TMEM185A: variants seen among roughly 807,000 people sequenced by gnomAD.
TMEM185A encodes family with sequence similarity 11, member A.
A neutral mutation model predicts 25.0 loss-of-function variants in TMEM185A; 9 were observed. That is an observed-to-expected ratio of 0.36 (90% CI 0.22 to 0.63). The LOEUF (loss-of-function observed/expected upper bound fraction) is 0.63. TMEM185A is among the 20% of genes least tolerant of loss of function. TMEM185A has a pLI of 0.68. For synonymous variants in TMEM185A, 45 were observed against 93.5 expected, an observed-to-expected ratio of 0.48 and a Z score of 2.99; for missense variants, 103 against 237.4, an observed-to-expected ratio of 0.43 and a Z score of 3.72.
intron 4 of TMEM185A, among the ~76,000 whole-genome samples, chrX:149,602,611 A>G (rs782769854): frequency 5.3e-5 from 6 of 112,489 alleles, no homozygotes; most frequent in Non-Finnish European, 9.4e-5. Flanking sequence ...TGCTTCATCA[A>G]CTGGGATCTA....
intron 1 of TMEM185A, among the ~76,000 whole-genome samples, chrX:149,630,072 T>C (rs1557356467): frequency 1.8e-5 from 2 of 111,739 alleles, no homozygotes; most frequent in African/African-American, 6.5e-5. Flanking sequence ...GCACCAACCC[T>C]ACTACCCTGC....
At position 149,597,162 on chromosome X, in the gene TMEM185A, G is replaced by A. The variant is rs2089995222; in HGVS notation, c.*849C>T. ...CCGTTGTGGCAGTAGCAGCTACTAC[G>A]TACCTGCACGAGTTCCAGGGCAGAA... On this transcript the variant is annotated 3_prime_UTR_variant, in exon 7 of 7. Coordinates refer to ENST00000600449, the MANE Select transcript of TMEM185A (RefSeq NM_032508.4). 2 of 101,814 alleles carry A rather than the reference G, an allele frequency of 2.0e-5. No homozygotes were observed. Among genetic ancestry groups the A allele is most frequent in the East Asian group, 3.1e-4 (1 of 3,200 alleles). The allele number at this position is 101,814 out of a possible 1,213,427, so 8.4% of individuals were successfully genotyped here.
intron 1 of TMEM185A, among the ~76,000 whole-genome samples, chrX:149,626,825 TG>T (rs1202353253): frequency 8.9e-6 from 1 of 112,358 alleles, no homozygotes; most frequent in African/African-American, 3.2e-5. Context: ...TGTGCCTGGA[TG>T]TGCACGCAGG....
At chrX:149,621,145 A>C (rs2090137907) in intron 1 of TMEM185A, among the ~76,000 whole-genome samples, 1 of 111,773 alleles carries the variant, frequency 8.9e-6, no homozygotes, top group South Asian at 3.7e-4. Context: ...CACAGGATTC[A>C]TATGTAAATT....
chrX:149,630,644 C>T (rs781957432), intron 1 of TMEM185A, among the ~76,000 whole-genome samples: 2 of 111,922 alleles, frequency 1.8e-5, no homozygotes, highest in South Asian at 7.5e-4. Flanking sequence ...GGCCTCGTCT[C>T]CAATCCAAGT....
At chrX:149,607,558 C>T (rs1408095316) in intron 3 of TMEM185A, among the ~76,000 whole-genome samples, 2 of 113,056 alleles carry the variant, frequency 1.8e-5, no homozygotes, top group African/African-American at 6.4e-5. Context: ...ACAGTAAGTG[C>T]TCAATAAACG....
chrX:149,631,503 G>A, intron 1 of TMEM185A, 40 bp downstream of exon 1: 3 of 1,146,370 alleles, frequency 2.6e-6, no homozygotes, highest in Middle Eastern at 2.4e-4. Context: ...GCCCGAGCCC[G>A]CAGCGCGGAC....
Position 149,629,847 on chromosome X carries a change from G to A in TMEM185A, c.38+1696C>T, listed in dbSNP as rs1282918836. On this transcript the variant is annotated intron_variant, in intron 1 of 6. Coordinates refer to ENST00000600449, the MANE Select transcript of TMEM185A (RefSeq NM_032508.4). ...GTTTCTTGAGGCTTCTGAATTCTCT[G>A]TCACCTTGCAAACAAGTCACTGTAG... is the stretch of plus-strand genomic sequence containing the variant. 2.7e-5 allele frequency among the ~76,000 whole-genome samples: 3 copies of A among 111,994 alleles called. No individual in the cohort carries two copies. The Admixed American group carries it at 2.8e-4, about 11-fold the overall frequency.
chrX:149,623,045 T>A (rs916944214), intron 1 of TMEM185A, among the ~76,000 whole-genome samples: 37 of 112,009 alleles, frequency 3.3e-4, no homozygotes, highest in African/African-American at 1.2e-3. Flanking sequence ...TCAATTCCAC[T>A]CTTTTAGTTA....
chrX:149,604,903 T>C (rs1420782375), intron 3 of TMEM185A, among the ~76,000 whole-genome samples: 2 of 111,518 alleles, frequency 1.8e-5, no homozygotes, highest in African/African-American at 6.6e-5. Context: ...CATACAGTCT[T>C]GGAGCCCTCT....
chrX:149,631,713 C>CCCGCCG lies in TMEM185A; in HGVS notation c.-134_-133insCGGCGG, dbSNP rs2090194781. On this transcript the variant is annotated 5_prime_UTR_variant, in exon 1 of 7. Transcript: ENST00000600449. ...TGCTGCTCCCGCTACTGCTGCCGTC[C>CCCGCCG]CCGCTGCCGTCGCCGTCGCCGTCGC... 1 of 648,017 alleles carries CCCGCCG rather than the reference C, an allele frequency of 1.5e-6. No homozygotes were observed. The highest frequency in any genetic ancestry group is 5.2e-5 in the East Asian group (1 of 19,413). The allele number at this position is 648,017 out of a possible 1,213,427, so 53.4% of individuals were successfully genotyped here.
intron 1 of TMEM185A, among the ~76,000 whole-genome samples, chrX:149,616,097 A>T (rs1159790480): frequency 1.8e-5 from 2 of 112,044 alleles, no homozygotes; most frequent in Non-Finnish European, 3.8e-5. Flanking sequence ...TCACCTCCCA[A>T]ATGCCCCACC....
chrX:149,619,442 CT>C (rs782682569), intron 1 of TMEM185A, among the ~76,000 whole-genome samples: 3 of 109,889 alleles, frequency 2.7e-5, no homozygotes, highest in African/African-American at 9.9e-5. Flanking sequence ...CCTGCACTTT[CT>C]TTTTTTGTGT....
chrX:149,631,286 G>C (rs1332288185), intron 1 of TMEM185A, among the ~76,000 whole-genome samples: 2 of 110,627 alleles, frequency 1.8e-5, no homozygotes, highest in Non-Finnish European at 3.8e-5. Flanking sequence ...CCTTGGGGCA[G>C]GACGGGGCTC....
intron 2 of TMEM185A, 23 bp downstream of exon 2, chrX:149,611,264 T>C: frequency 8.4e-7 from 1 of 1,186,128 alleles, no homozygotes; most frequent in South Asian, 1.9e-5. Context: ...TAGAGACCAA[T>C]GGGTTGTATA....
At chrX:149,612,751 A>G (rs1199155451) in intron 1 of TMEM185A, among the ~76,000 whole-genome samples, 1 of 111,965 alleles carries the variant, frequency 8.9e-6, no homozygotes, top group Admixed American at 9.4e-5. Flanking sequence ...GGCAGAATCT[A>G]CTTCTAAGCT....
chrX:149,615,360 A>G (rs1602872150), intron 1 of TMEM185A, among the ~76,000 whole-genome samples: 1 of 112,133 alleles, frequency 8.9e-6, no homozygotes, highest in Non-Finnish European at 1.9e-5. Flanking sequence ...CTTAATGGTG[A>G]GAGACTCAAT....
At chrX:149,627,017 GA>G (rs1400820377) in intron 1 of TMEM185A, among the ~76,000 whole-genome samples, 2 of 111,922 alleles carry the variant, frequency 1.8e-5, no homozygotes, top group Non-Finnish European at 3.8e-5. Context: ...GCAGGAGACA[GA>G]AGCCTTCCTC....
intron 1 of TMEM185A, among the ~76,000 whole-genome samples, chrX:149,623,467 C>CA (rs782348901): frequency 1.9e-4 from 21 of 111,051 alleles, no homozygotes; most frequent in African/African-American, 6.2e-4. Flanking sequence ...AAAACACTGA[C>CA]AAAAAATGGA....
Sources: allele counts gnomAD v4.1 joint callset (sites outside exome capture counted in the v4.1 genomes callset), GRCh38; gene constraint gnomAD v4.1.1; transcripts MANE v1.5; gene names NCBI Gene and HGNC (gene_info 2026-07-23, HGNC 2026-07-21).